The following ZDHHC17 variants were observed in gnomAD, a reference collection of about 807,000 sequenced individuals.
The protein encoded by ZDHHC17 is palmitoyltransferase ZDHHC17.
Under a neutral mutation model 90.3 loss-of-function variants are expected in ZDHHC17, and 40 were observed. The ratio of observed to expected loss-of-function variants is 0.44; its 90% CI spans 0.34 to 0.58. The LOEUF (loss-of-function observed/expected upper bound fraction) is 0.58. Among genes scored for constraint, ZDHHC17 ranks in the 20% least tolerant of loss-of-function variants. The pLI is 0.01. For missense variants in ZDHHC17, 614 were observed against 780.8 expected (o/e 0.79, Z 2.55); for synonymous variants, 235 against 252.4 (o/e 0.93, Z 0.65).
intron 10 of ZDHHC17, among the ~76,000 whole-genome samples, chr12:76,833,908 A>G (rs1953333927): frequency 6.6e-6 from 1 of 152,208 alleles, no homozygotes; most frequent in African/African-American, 2.4e-5. Flanking sequence ...TATTATTTAT[A>G]GTAGGGGAAA....
At chr12:76,783,343 C>G (rs1005270465) in intron 1 of ZDHHC17, among the ~76,000 whole-genome samples, 2 of 152,132 alleles carry the variant, frequency 1.3e-5, no homozygotes, top group Admixed American at 6.5e-5. Flanking sequence ...AGGAAACTTG[C>G]AATCACAGTG....
chr12:76,804,647 A>G (rs1952933560), intron 2 of ZDHHC17, among the ~76,000 whole-genome samples: 2 of 152,180 alleles, frequency 1.3e-5, no homozygotes, highest in South Asian at 2.1e-4. Context: ...AAGCGTGGAA[A>G]AGGACGGGGT....
At chr12:76,827,713 A>G (rs1953246021) in intron 9 of ZDHHC17, among the ~76,000 whole-genome samples, 1 of 152,094 alleles carries the variant, frequency 6.6e-6, no homozygotes. Context: ...AGAGATGAGA[A>G]TGACTAGTAT....
chr12:76,846,801 C>T (rs1254736415), intron 14 of ZDHHC17, 122 bp downstream of exon 14: 1 of 782,216 alleles, frequency 1.3e-6, no homozygotes, highest in Non-Finnish European at 2.0e-6. Flanking sequence ...GTTTGGACAC[C>T]TTATGAAGCA....
intron 9 of ZDHHC17, 61 bp from the exon 10 acceptor site, chr12:76,828,329 T>A: frequency 7.3e-7 from 1 of 1,364,848 alleles, no homozygotes; most frequent in Non-Finnish European, 1.0e-6. Context: ...TTCATTTAAA[T>A]AAATACTCAT....
At chr12:76,848,561 T>C (rs1340459362) in intron 15 of ZDHHC17, among the ~76,000 whole-genome samples, 171 bp downstream of exon 15, 1 of 152,220 alleles carries the variant, frequency 6.6e-6, no homozygotes, top group Non-Finnish European at 1.5e-5. Flanking sequence ...TCTTCTCATA[T>C]TGTGAACTTT....
chr12:76,780,087 T>G (rs553968278), intron 1 of ZDHHC17, among the ~76,000 whole-genome samples: 1 of 152,330 alleles, frequency 6.6e-6, no homozygotes, highest in African/African-American at 2.4e-5. Context: ...GTTTGCTTCT[T>G]CTCACTTTAT....
At chr12:76,848,571 T>C (rs55805936) in intron 15 of ZDHHC17, among the ~76,000 whole-genome samples, 181 bp downstream of exon 15, 21,944 of 152,232 alleles carry the variant, frequency 0.14, 1,985 homozygotes, top group Non-Finnish European at 0.2. Flanking sequence ...TTGTGAACTT[T>C]TGAATTTTAG....
chr12:76,779,344 G>A (rs1427355492), intron 1 of ZDHHC17, among the ~76,000 whole-genome samples: 5 of 152,164 alleles, frequency 3.3e-5, no homozygotes, highest in Non-Finnish European at 7.3e-5. Context: ...AAAGGAAGGA[G>A]GTTGAATTGA....
At position 76,788,066 on chromosome 12, in the gene ZDHHC17, A is replaced by G. The variant is rs1039563408; in HGVS notation, c.94-9368A>G. 7.9e-5 allele frequency among the ~76,000 whole-genome samples: 12 copies of G among 152,308 alleles called. No homozygotes were observed. The East Asian group carries it at 2.1e-3, about 27-fold the overall frequency. Reference sequence around the variant, plus strand: ...TAGCCACTGTACTCTAGCCTGGGCAACATAGTGAGACCCTGTCCCTTAAAA... The same window carrying G: ...TAGCCACTGTACTCTAGCCTGGGCAGCATAGTGAGACCCTGTCCCTTAAAA... On this transcript the variant is annotated intron_variant, in intron 1 of 16. Transcript: ENST00000426126.
At chr12:76,804,813 A>G (rs1240165405) in intron 2 of ZDHHC17, among the ~76,000 whole-genome samples, 1 of 152,098 alleles carries the variant, frequency 6.6e-6, no homozygotes, top group African/African-American at 2.4e-5. Context: ...TGATATTACA[A>G]GACTGCTATT....
chr12:76,848,662 A>T (rs755284321), intron 15 of ZDHHC17, among the ~76,000 whole-genome samples: 6 of 152,160 alleles, frequency 3.9e-5, no homozygotes, highest in Non-Finnish European at 8.8e-5. Context: ...CAGATTGATG[A>T]TGACATTAAT....
Position 76,764,148 on chromosome 12 carries a change from C to T in ZDHHC17, c.-89C>T, listed in dbSNP as rs1952395134. The T allele has an allele frequency of 1.9e-6, 2 of 1,052,926 alleles. No individual in the cohort carries two copies. The highest frequency in any genetic ancestry group is 3.3e-5 in the African/African-American group (2 of 60,192). 65.2% of individuals were successfully genotyped at this position (1,052,926 alleles called of 1,614,324 possible). A position where few individuals can be genotyped will look rare whatever the true frequency, so the allele number is the denominator to read the frequency against. ...GGCAGGAGAAGAAGGAGGAGGAGGC[C>T]CGCGTCGCCTCCGGCGGGGCTCGCG... On this transcript the variant is annotated 5_prime_UTR_variant, in exon 1 of 17. Transcript: ENST00000426126.
At chr12:76,828,763 C>T (rs1953261086) in intron 10 of ZDHHC17, among the ~76,000 whole-genome samples, 1 of 152,124 alleles carries the variant, frequency 6.6e-6, no homozygotes, top group Non-Finnish European at 1.5e-5. Context: ...ATCCACATTT[C>T]ATAAATTAGT....
At chr12:76,769,128 G>A (rs772256784) in intron 1 of ZDHHC17, 13 of 386,098 alleles carry the variant, frequency 3.4e-5, no homozygotes, top group South Asian at 2.2e-4. Context: ...ACGTGATCTC[G>A]GCTTACTGCA....
chr12:76,820,137 A>C (rs1422209200), intron 7 of ZDHHC17, among the ~76,000 whole-genome samples: 1 of 151,958 alleles, frequency 6.6e-6, no homozygotes, highest in Non-Finnish European at 1.5e-5. Context: ...TGGTTGGAGG[A>C]GGTGTGGGTC....
At chr12:76,845,553 A>G (rs1421878419) in intron 12 of ZDHHC17, 156 bp from the exon 13 acceptor site, 1 of 354,092 alleles carries the variant, frequency 2.8e-6, no homozygotes, top group African/African-American at 2.1e-5. Flanking sequence ...ATTAAACAAT[A>G]GTGACTTTTG....
At chr12:76,843,967 C>A (rs574367514) in intron 12 of ZDHHC17, 1 of 151,930 alleles carries the variant, frequency 6.6e-6, no homozygotes, top group Non-Finnish European at 1.5e-5. Context: ...TTTAGGATAC[C>A]GACCAGATTC....
chr12:76,773,021 T>C (rs1461363389), intron 1 of ZDHHC17, among the ~76,000 whole-genome samples: 1 of 152,018 alleles, frequency 6.6e-6, no homozygotes, highest in Non-Finnish European at 1.5e-5. Context: ...CACGCCCTGC[T>C]CATTTTTTGT....
Sources: allele counts gnomAD v4.1 joint callset (sites outside exome capture counted in the v4.1 genomes callset), GRCh38; gene constraint gnomAD v4.1.1; transcripts MANE v1.5; gene names NCBI Gene and HGNC (gene_info 2026-07-23, HGNC 2026-07-21).